CAPN1: variants seen among roughly 807,000 people sequenced by gnomAD.
CAPN1 encodes calpain 1.
Under a neutral mutation model 105.2 loss-of-function variants are expected in CAPN1, and 77 were observed. The observed-to-expected ratio is 0.73, with a 90% CI of 0.61 to 0.88. The LOEUF (loss-of-function observed/expected upper bound fraction) is 0.88. Ranked by LOEUF, CAPN1 falls within the 40% of genes least tolerant of loss-of-function variation. The pLI, the probability that CAPN1 is intolerant of heterozygous loss-of-function variation, is 0.00. For missense variants in CAPN1, 833 were observed against 976.6 expected, an observed-to-expected ratio of 0.85 and a Z score of 1.96; for synonymous variants, 355 against 388.8, an observed-to-expected ratio of 0.91 and a Z score of 1.02.
chr11:65,187,194 A>G, intron 6 of CAPN1, 21 bp from the exon 7 acceptor site: 3 of 1,599,596 alleles, frequency 1.9e-6, no homozygotes, highest in Non-Finnish European at 1.7e-6. Context: ...CACTGACCAC[A>G]GTGTGTGCCT....
intron 10 of CAPN1, among the ~76,000 whole-genome samples, chr11:65,200,093 C>T (rs569104123): frequency 6.6e-5 from 10 of 152,172 alleles, no homozygotes; most frequent in African/African-American, 7.2e-5. Flanking sequence ...AGTCTTGCTC[C>T]GGCTGGAGTG....
At chr11:65,195,100 G>GGTTTTTTTTTTTTT (rs1565403828) in intron 10 of CAPN1, among the ~76,000 whole-genome samples, 1 of 90,906 alleles carries the variant, frequency 1.1e-5, no homozygotes. Flanking sequence ...GTTTTTTGGG[G>GGTTTTTTTTTTTTT]TTTTTTTTTT....
rs758312955 is a variant in CAPN1, at chr11:65,182,883, TC to T, written c.188del (p.Pro63ArgfsTer113). 2 of 1,604,214 alleles carry T rather than the reference TC, an allele frequency of 1.2e-6. No individual in the cohort carries two copies. The highest frequency in any genetic ancestry group is 1.7e-5 in the Admixed American group (1 of 58,200). ...GGGACCCTCTTCCGTGATGAGGCCT[TC>T]CCCCCGGTACCCCAGAGCCTGGGTT... Reference protein sequence around the residue: ...QSGTLFRDEAFPPVPQSLGYK... With the variant: ...QSGTLFRDEAXPPVPQSLGYK... On this transcript the variant is annotated frameshift_variant, in exon 2 of 22. Coordinates refer to ENST00000279247, the MANE Select transcript of CAPN1 (RefSeq NM_005186.4). LOFTEE classifies it high-confidence loss of function.
intron 4 of CAPN1, 37 bp downstream of exon 4, chr11:65,183,629 TG>T: frequency 2.1e-6 from 3 of 1,408,990 alleles, no homozygotes; most frequent in Non-Finnish European, 2.0e-6. Flanking sequence ...CAGCAGGCAC[TG>T]GGGGAGATGC....
At chr11:65,181,418 C>T (rs1439124795), upstream of CAPN1, 2 of 235,252 alleles carry the variant, frequency 8.5e-6, no homozygotes, top group Admixed American at 1.2e-4. The surrounding 1 kb of genome is among the most constrained non-coding windows in gnomAD (Gnocchi z 4.6). Context: ...GAGGTAATCT[C>T]GGCCCCGCGC....
At chr11:65,184,119 C>A (rs765371952) in intron 4 of CAPN1, among the ~76,000 whole-genome samples, 22 of 152,166 alleles carry the variant, frequency 1.4e-4, no homozygotes, top group Non-Finnish European at 3.1e-4. Flanking sequence ...CAATGAGCTG[C>A]CTTTGGGAGG....
intron 1 of CAPN1, 141 bp from the exon 2 acceptor site, chr11:65,182,560 T>C: frequency 1.1e-6 from 1 of 887,302 alleles, no homozygotes. Context: ...GAACCCTACT[T>C]CTGTGAGGGG....
intron 10 of CAPN1, among the ~76,000 whole-genome samples, chr11:65,190,533 C>A (rs1948703501): frequency 6.6e-6 from 1 of 152,174 alleles, no homozygotes; most frequent in African/African-American, 2.4e-5. Context: ...CTAGCGCCCT[C>A]AAGTAGTCCT....
At chr11:65,184,295 G>A (rs1948598967) in intron 4 of CAPN1, among the ~76,000 whole-genome samples, 2 of 152,068 alleles carry the variant, frequency 1.3e-5, no homozygotes, top group South Asian at 2.1e-4. Flanking sequence ...CCCAGGGTGC[G>A]GAACCCACAG....
chr11:65,207,849 GGTTGCAGTGAGCTGAGA>G (rs572269532), intron 14 of CAPN1, among the ~76,000 whole-genome samples, 189 bp from the exon 15 acceptor site: 140 of 152,264 alleles, frequency 9.2e-4, no homozygotes, highest in African/African-American at 3.2e-3. Context: ...GGGAGGCGGA[GGTTGCAGTGAGCTGAGA>G]TCACGCCACT....
intron 2 of CAPN1, 44 bp downstream of exon 2, chr11:65,183,012 T>G: frequency 1.9e-6 from 3 of 1,611,510 alleles, no homozygotes; most frequent in Non-Finnish European, 2.5e-6. Flanking sequence ...AGCCAGATCC[T>G]GGATGAGGAG....
At chr11:65,211,145 G>A (rs2137405703) in intron 21 of CAPN1, 115 bp from the exon 22 acceptor site, 1 of 1,187,126 alleles carries the variant, frequency 8.4e-7, no homozygotes, top group South Asian at 1.3e-5. Context: ...CCCTCCATGA[G>A]GTTCCTGAGG....
At chr11:65,205,437 T>G (rs1565417372) in intron 11 of CAPN1, among the ~76,000 whole-genome samples, 1 of 152,072 alleles carries the variant, frequency 6.6e-6, no homozygotes, top group African/African-American at 2.4e-5. Context: ...TTTGGAACAT[T>G]GCAGTTGGCC....
At chr11:65,201,498 G>A (rs1192279543) in intron 10 of CAPN1, among the ~76,000 whole-genome samples, 1 of 152,020 alleles carries the variant, frequency 6.6e-6, no homozygotes, top group Non-Finnish European at 1.5e-5. Flanking sequence ...TTCCCTCCAG[G>A]GAGGTTTAAT....
Position 65,186,024 on chromosome 11 carries a change from C to G in CAPN1, c.564C>G (p.Ser188Arg). ...CTGCCGAAGGCAACGAGTTCTGGAG[C>G]GCCCTGCTTGAGAAGGCCTATGCCA... ...VHSAEGNEFWSALLEKAYAKV... is the reference protein window; with the variant it reads ...VHSAEGNEFWRALLEKAYAKV... The change falls in exon 5 of 22, where the codon AGC becomes AGG. Residue 188 changes from serine (S) to arginine (R), a missense_variant. Coordinates refer to ENST00000279247, the MANE Select transcript of CAPN1 (RefSeq NM_005186.4). 6.2e-7 allele frequency: 1 copy of G among 1,611,004 alleles called. No individual in the cohort carries two copies. The highest frequency in any genetic ancestry group is 1.1e-5 in the South Asian group (1 of 90,518).
At position 65,182,978 on chromosome 11, in the gene CAPN1, G is replaced by T. The variant is rs369047955; in HGVS notation, c.267+10G>T. 1.1e-5 allele frequency: 18 copies of T among 1,612,902 alleles called. No individual in the cohort carries two copies. The highest frequency in any genetic ancestry group is 1.4e-5 in the Non-Finnish European group (16 of 1,179,570). ...GTGGAAGCGTCCCACGGTGAGAGGGGCCATCCTGGGTGGGACTCGGCTAAG... is the reference window on the plus strand; with the variant it reads ...GTGGAAGCGTCCCACGGTGAGAGGGTCCATCCTGGGTGGGACTCGGCTAAG... On this transcript the variant is annotated intron_variant, in intron 2 of 21. Coordinates refer to ENST00000279247, the MANE Select transcript of CAPN1 (RefSeq NM_005186.4).
At chr11:65,206,749 G>A in intron 13 of CAPN1, 31 bp from the exon 14 acceptor site, 2 of 1,612,248 alleles carry the variant, frequency 1.2e-6, no homozygotes, top group Admixed American at 1.7e-5. Context: ...GTCCCCCTCT[G>A]ACTGGCTCCT....
chr11:65,197,018 A>G (rs966407510), intron 10 of CAPN1, among the ~76,000 whole-genome samples: 2 of 152,232 alleles, frequency 1.3e-5, no homozygotes, highest in African/African-American at 2.4e-5. Context: ...GGGATAATAA[A>G]GAAACTGAGG....
intron 10 of CAPN1, among the ~76,000 whole-genome samples, chr11:65,198,971 A>T (rs1161342596): frequency 6.6e-6 from 1 of 152,134 alleles, no homozygotes; most frequent in Non-Finnish European, 1.5e-5. Flanking sequence ...AGTAGCTGGG[A>T]TTCTAGGTGT....
Sources: gnomAD v4.1 joint callset for allele counts (sites outside exome capture counted in the v4.1 genomes callset) on GRCh38, gnomAD v4.1.1 for gene constraint, Gnocchi (gnomAD v3.1) non-coding constraint, MANE v1.5 for transcripts, NCBI Gene and HGNC (gene_info 2026-07-23, HGNC 2026-07-21) for gene names.